Variants in EZR observed in about 807,000 individuals in gnomAD.
EZR encodes the protein ezrin, also known as cytovillin 2.
EZR carries 40 observed loss-of-function variants against 74.8 expected under a neutral mutation model. That is an observed-to-expected ratio of 0.53 (90% CI 0.42 to 0.70). The LOEUF (loss-of-function observed/expected upper bound fraction) is 0.70, where lower values mean the gene tolerates loss of function less well. EZR is among the 30% of genes least tolerant of loss of function. The pLI, the probability that EZR is intolerant of heterozygous loss-of-function variation, is 0.00. For missense variants in EZR, 678 were observed against 755.8 expected (o/e 0.90, Z 1.21); for synonymous variants, 341 against 283.3 (o/e 1.20, Z -2.05).
intron 7 of EZR, among the ~76,000 whole-genome samples, chr6:158,779,529 G>C (rs1370499280): frequency 6.6e-6 from 1 of 152,092 alleles, no homozygotes; most frequent in Non-Finnish European, 1.5e-5. Context: ...GGAATTATTT[G>C]TACTATTTTT....
chr6:158,767,570 A>C (rs1255106619), intron 12 of EZR, 58 bp from the exon 13 acceptor site: 5 of 1,512,324 alleles, frequency 3.3e-6, no homozygotes, highest in Non-Finnish European at 3.5e-6. Context: ...CCTCCTGGCT[A>C]TGAGAACAGA....
At chr6:158,805,606 A>G (rs1401788877) in intron 2 of EZR, among the ~76,000 whole-genome samples, 1 of 152,212 alleles carries the variant, frequency 6.6e-6, no homozygotes, top group Non-Finnish European at 1.5e-5. Flanking sequence ...CTTTTAAAAA[A>G]TCCAAACTAA....
chr6:158,806,371 A>G (rs1272815883), intron 2 of EZR, among the ~76,000 whole-genome samples: 2 of 152,192 alleles, frequency 1.3e-5, no homozygotes, highest in Non-Finnish European at 2.9e-5. Context: ...ATATTCTATT[A>G]TGGAAAGTTG....
chr6:158,766,897 T>TG lies in EZR; in HGVS notation c.*16dup, dbSNP rs1392658404. On this transcript the variant is annotated 3_prime_UTR_variant, in exon 14 of 14. Transcript: ENST00000367075. Reference sequence around the variant, plus strand: ...CCCGCTATGAGCACCCCTCTGCCCTTGGTCCTGGCCTGGCTGTTACAGGGC... The same window carrying TG: ...CCCGCTATGAGCACCCCTCTGCCCTTGGGTCCTGGCCTGGCTGTTACAGGGC... The TG allele has an allele frequency of 6.2e-7, 1 of 1,612,296 alleles. No individual in the cohort carries two copies. The highest frequency in any genetic ancestry group is 1.7e-5 in the Admixed American group (1 of 59,920).
chr6:158,799,984 A>T (rs2128573680), intron 2 of EZR, among the ~76,000 whole-genome samples: 1 of 152,330 alleles, frequency 6.6e-6, no homozygotes, highest in South Asian at 2.1e-4. Flanking sequence ...ATGTAATTGC[A>T]ATTGAAAACC....
At chr6:158,772,318 T>C (rs977512999) in intron 8 of EZR, among the ~76,000 whole-genome samples, 1 of 152,258 alleles carries the variant, frequency 6.6e-6, no homozygotes, top group Non-Finnish European at 1.5e-5. Flanking sequence ...CTCCACAGCC[T>C]TGAGCACATC....
At chr6:158,769,059 G>A (rs1791010923) in intron 12 of EZR, among the ~76,000 whole-genome samples, 1 of 152,224 alleles carries the variant, frequency 6.6e-6, no homozygotes, top group African/African-American at 2.4e-5. Flanking sequence ...CAAAGTGGGT[G>A]AAAGTCAATC....
chr6:158,767,794 A>C (rs920588559), intron 12 of EZR, among the ~76,000 whole-genome samples: 2 of 152,104 alleles, frequency 1.3e-5, no homozygotes, highest in African/African-American at 4.8e-5. Flanking sequence ...TTTAGAAAAA[A>C]AATCCTGTTA....
At chr6:158,774,283 C>T (rs1271009063) in intron 8 of EZR, among the ~76,000 whole-genome samples, 1 of 152,198 alleles carries the variant, frequency 6.6e-6, no homozygotes, top group Non-Finnish European at 1.5e-5. Context: ...GCAGTGCCCA[C>T]TCAAGGCAAA....
intron 12 of EZR, 106 bp from the exon 13 acceptor site, chr6:158,767,618 C>A: frequency 8.0e-7 from 1 of 1,243,894 alleles, no homozygotes; most frequent in Non-Finnish European, 1.1e-6. Context: ...TAAGGCAGCA[C>A]TGAACTGTGC....
rs555924026 is a variant in EZR, at chr6:158,785,169, G to C, written c.467+140C>G. The C allele has an allele frequency of 2.9e-3, 3,151 of 1,075,018 alleles. 7 individuals are homozygous for C. The highest frequency in any genetic ancestry group is 3.7e-3 in the Non-Finnish European group (2,823 of 759,572). The allele number at this position is 1,075,018 out of a possible 1,614,324, so 66.6% of individuals were successfully genotyped here. ...TGGCTATGTTTCAGGTCGCTGGTCA[G>C]TGACTTAATGACTAGCATGAAGGAG... On this transcript the variant is annotated intron_variant, in intron 5 of 13. Transcript: ENST00000367075.
chr6:158,771,173 G>T, intron 9 of EZR, 71 bp downstream of exon 9: 1 of 1,464,728 alleles, frequency 6.8e-7, no homozygotes, highest in South Asian at 1.3e-5. Flanking sequence ...ACAGTCACCT[G>T]ACAGGCACTG....
chr6:158,802,315 T>G (rs1777203287), intron 2 of EZR, among the ~76,000 whole-genome samples: 1 of 152,224 alleles, frequency 6.6e-6, no homozygotes, highest in Admixed American at 6.5e-5. Context: ...ACTTTTAACC[T>G]GAATAAAAAG....
At chr6:158,779,338 T>C (rs9457463) in intron 7 of EZR, among the ~76,000 whole-genome samples, 52,330 of 151,618 alleles carry the variant, frequency 0.35, 9,502 homozygotes, top group African/African-American at 0.43. Flanking sequence ...GACAGGGAGG[T>C]CTGACAACTA....
chr6:158,786,850 A>C lies in EZR; in HGVS notation c.192+258T>G, dbSNP rs16889171. Among the ~76,000 whole-genome samples the C allele has an allele frequency of 2.2e-3, 330 of 152,350 alleles. 3 individuals carry two copies. The highest frequency in any genetic ancestry group is 0.021 in the East Asian group (108 of 5,190). ...GTTTATAAGATTAACAATCTCATTG[A>C]AAAAACTAAGGTCAACTAAAAGCTA... is the stretch of plus-strand genomic sequence containing the variant. On this transcript the variant is annotated intron_variant, in intron 4 of 13. Transcript: ENST00000367075.
chr6:158,784,660 G>GT lies in EZR; in HGVS notation c.534dup (p.His179ThrfsTer8). 6.2e-7 allele frequency: 1 copy of GT among 1,614,162 alleles called. No homozygotes were observed. The highest frequency in any genetic ancestry group is 8.5e-7 in the Non-Finnish European group (1 of 1,180,008). On this transcript the variant is annotated frameshift_variant, in exon 6 of 14. Coordinates refer to ENST00000367075, the MANE Select transcript of EZR (RefSeq NM_001111077.2). LOFTEE classifies it high-confidence loss of function. ...AGCACTCACTTGAGCATCCCACGGT[G>GT]TTCCGCATGCCACACCTGGATCCGG...
intron 2 of EZR, among the ~76,000 whole-genome samples, chr6:158,797,373 G>A (rs577717161): frequency 2.6e-5 from 4 of 152,236 alleles, no homozygotes; most frequent in African/African-American, 9.6e-5. Flanking sequence ...TCAAATGGGA[G>A]CATTTGAATG....
intron 2 of EZR, among the ~76,000 whole-genome samples, chr6:158,800,241 A>C (rs376784511): frequency 2.5e-4 from 38 of 152,314 alleles, no homozygotes; most frequent in African/African-American, 8.4e-4. Context: ...AAGTCTCTCT[A>C]TATATATCAT....
chr6:158,817,513 A>G (rs969012991), intron 2 of EZR, among the ~76,000 whole-genome samples: 2 of 152,230 alleles, frequency 1.3e-5, no homozygotes, highest in Middle Eastern at 3.2e-3. Context: ...ACCTTCTGTT[A>G]GAGACAGAAA....
Sources: gnomAD v4.1 joint callset for allele counts (sites outside exome capture counted in the v4.1 genomes callset) on GRCh38, gnomAD v4.1.1 for gene constraint, MANE v1.5 for transcripts, NCBI Gene and HGNC (gene_info 2026-07-23, HGNC 2026-07-21) for gene names.